Variants in PKIA observed in about 807,000 individuals in gnomAD.
PKIA encodes the protein PKI-alpha.
A neutral mutation model predicts 7.6 loss-of-function variants in PKIA; 4 were observed. That is an observed-to-expected ratio of 0.52 (90% CI 0.26 to 1.20). PKIA has a LOEUF of 1.20. PKIA is among the 50% of genes most tolerant of loss of function. The pLI is 0.13. For missense variants in PKIA, 73 were observed against 86.2 expected, an observed-to-expected ratio of 0.85 and a Z score of 0.61; for synonymous variants, 21 against 30.7, an observed-to-expected ratio of 0.68 and a Z score of 1.04.
At chr8:78,563,389 A>G (rs1233304964) in intron 1 of PKIA, among the ~76,000 whole-genome samples, 2 of 152,166 alleles carry the variant, frequency 1.3e-5, no homozygotes, top group African/African-American at 2.4e-5. Flanking sequence ...TGAGAATTAA[A>G]TGTGGAGAAT....
chr8:78,601,480 G>A (rs1037759706), intron 3 of PKIA, among the ~76,000 whole-genome samples: 2 of 151,992 alleles, frequency 1.3e-5, no homozygotes, highest in African/African-American at 4.8e-5. Context: ...CCAAAGCTTG[G>A]CTGATCACTA....
intron 2 of PKIA, among the ~76,000 whole-genome samples, chr8:78,590,298 A>T (rs1391927128): frequency 1.3e-5 from 2 of 151,330 alleles, no homozygotes; most frequent in Non-Finnish European, 2.9e-5. Flanking sequence ...AAAAAAAAAG[A>T]AAAAGAAAAA....
intron 2 of PKIA, among the ~76,000 whole-genome samples, chr8:78,584,755 T>C (rs1807908879): frequency 6.6e-6 from 1 of 152,124 alleles, no homozygotes; most frequent in East Asian, 1.9e-4. Context: ...CAGAAAACAC[T>C]TTTCTAAAAT....
At chr8:78,581,854 ATTG>A (rs1478338742) in intron 2 of PKIA, among the ~76,000 whole-genome samples, 1 of 152,024 alleles carries the variant, frequency 6.6e-6, no homozygotes, top group African/African-American at 2.4e-5. Context: ...ATCAGTGCTA[ATTG>A]TCAGATTTTC....
chr8:78,555,243 A>G (rs1387536502), intron 1 of PKIA, among the ~76,000 whole-genome samples: 1 of 152,022 alleles, frequency 6.6e-6, no homozygotes, highest in African/African-American at 2.4e-5. Context: ...TTATTACTCA[A>G]TTCACTCTGT....
rs775517944 is a variant in PKIA at position 78,598,524 on chromosome 8, T to C, written c.140T>C (p.Ile47Thr). 5 of 1,608,318 alleles carry C rather than the reference T, an allele frequency of 3.1e-6. No homozygotes were observed. Among genetic ancestry groups the C allele is most frequent in the South Asian group, 2.2e-5 (2 of 90,450 alleles). Residue 47 changes from isoleucine to threonine, a missense_variant, in exon 3 of 4, where the codon ATC becomes ACC. Ile to Thr is a moderately conservative substitution (Grantham distance 89, BLOSUM62 -1). Transcript: ENST00000396418. ...ELALKLAGLDINKTEGEEDAQ... is the reference protein window; with the variant it reads ...ELALKLAGLDTNKTEGEEDAQ... ...GCCTTGAAATTAGCAGGTCTTGATATCAACAAGACAGGTAAGTCATCTGGC... is the reference window on the plus strand; with the variant it reads ...GCCTTGAAATTAGCAGGTCTTGATACCAACAAGACAGGTAAGTCATCTGGC...
chr8:78,523,948 ATATT>A (rs1323692775), intron 1 of PKIA, among the ~76,000 whole-genome samples: 1 of 123,584 alleles, frequency 8.1e-6, no homozygotes, highest in African/African-American at 3.2e-5. Context: ...ATAAACATTT[ATATT>A]TATATATAAA....
At chr8:78,531,497 G>T (rs893966896) in intron 1 of PKIA, among the ~76,000 whole-genome samples, 3 of 152,020 alleles carry the variant, frequency 2.0e-5, no homozygotes, top group African/African-American at 7.2e-5. Context: ...AACAGTTATT[G>T]TGCTTAGTCT....
At position 78,529,188 on chromosome 8, in the gene PKIA, AT is replaced by A. The variant is rs1381617690; in HGVS notation, c.-157+12723del. On this transcript the variant is annotated intron_variant, in intron 1 of 3. Transcript: ENST00000396418. The stretch of plus-strand genomic sequence containing the variant: ...AACATCATTTATAGCCTATAAAATG[AT>A]TTGCCAACTGACAGGCAACCTTTGA... Among the ~76,000 whole-genome samples the A allele has an allele frequency of 2.6e-5, 4 of 152,246 alleles. No individual in the cohort carries two copies. In the East Asian group the frequency reaches 5.8e-4, roughly 22 times the overall value.
intron 1 of PKIA, among the ~76,000 whole-genome samples, chr8:78,570,685 A>G (rs1807525000): frequency 6.6e-6 from 1 of 152,098 alleles, no homozygotes; most frequent in African/African-American, 2.4e-5. Context: ...TCATACATAC[A>G]CAAACCATTC....
chr8:78,564,676 G>T (rs1466589179), intron 1 of PKIA, among the ~76,000 whole-genome samples: 1 of 151,528 alleles, frequency 6.6e-6, no homozygotes, highest in Non-Finnish European at 1.5e-5. Flanking sequence ...ATTATATAAA[G>T]GTGTTCATTG....
intron 1 of PKIA, 42 bp from the exon 2 acceptor site, chr8:78,572,769 A>G (rs1807583691): frequency 1.3e-5 from 2 of 151,756 alleles, no homozygotes; most frequent in South Asian, 4.2e-4. Flanking sequence ...TGAAACTTAT[A>G]TGTACAGATA....
At chr8:78,517,384 T>C (rs998382317) in intron 1 of PKIA, among the ~76,000 whole-genome samples, 8 of 152,214 alleles carry the variant, frequency 5.3e-5, no homozygotes, top group African/African-American at 1.9e-4. Context: ...TGAGGGATGT[T>C]CCCTATGCAT....
intron 2 of PKIA, among the ~76,000 whole-genome samples, chr8:78,594,458 G>C (rs768968358): frequency 4.2e-4 from 64 of 152,160 alleles, no homozygotes; most frequent in Non-Finnish European, 8.1e-4. Context: ...TGTGCAGCAG[G>C]CTTGAAAGGC....
At chr8:78,522,841 C>A (rs1809442619) in intron 1 of PKIA, among the ~76,000 whole-genome samples, 1 of 151,814 alleles carries the variant, frequency 6.6e-6, no homozygotes, top group Admixed American at 6.6e-5. Context: ...GATTTATGTA[C>A]CTACATTATG....
At chr8:78,581,848 G>C (rs963140336) in intron 2 of PKIA, among the ~76,000 whole-genome samples, 5 of 152,086 alleles carry the variant, frequency 3.3e-5, no homozygotes, top group Non-Finnish European at 7.4e-5. Context: ...TAATGTATCA[G>C]TGCTAATTGT....
intron 2 of PKIA, among the ~76,000 whole-genome samples, chr8:78,592,846 C>T (rs1381647414): frequency 2.0e-5 from 3 of 152,084 alleles, no homozygotes; most frequent in Non-Finnish European, 4.4e-5. Flanking sequence ...CTATTTTCAG[C>T]AAGGAGAATT....
chr8:78,525,403 A>G (rs1809523149), intron 1 of PKIA, among the ~76,000 whole-genome samples: 1 of 151,974 alleles, frequency 6.6e-6, no homozygotes, highest in African/African-American at 2.4e-5. Context: ...TGGGCCTGTC[A>G]CATCTTCACG....
intron 2 of PKIA, among the ~76,000 whole-genome samples, chr8:78,592,585 G>C (rs1295959509): frequency 2.0e-5 from 3 of 152,072 alleles, no homozygotes; most frequent in African/African-American, 7.2e-5. Context: ...TTAAAAGTAA[G>C]CACAATATAC....
Sources: allele counts gnomAD v4.1 joint callset (sites outside exome capture counted in the v4.1 genomes callset), GRCh38; gene constraint gnomAD v4.1.1; transcripts MANE v1.5; gene names NCBI Gene and HGNC (gene_info 2026-07-23, HGNC 2026-07-21).